The following TSPAN5 variants were observed in gnomAD, a reference collection of about 807,000 sequenced individuals.
TSPAN5 encodes the protein tetraspanin 5.
A neutral mutation model predicts 37.1 loss-of-function variants in TSPAN5; 10 were observed. That is an observed-to-expected ratio of 0.27 (90% CI 0.17 to 0.46). The LOEUF is 0.46. Ranked by LOEUF, TSPAN5 falls within the 20% of genes least tolerant of loss-of-function variation. TSPAN5 has a pLI of 1.00. For missense variants in TSPAN5, 195 were observed against 326.6 expected (o/e 0.60, Z 3.11); for synonymous variants, 110 against 118.9 (o/e 0.93, Z 0.48).
At chr4:98,548,715 TTCTG>T (rs1261578045) in intron 1 of TSPAN5, among the ~76,000 whole-genome samples, 1 of 152,174 alleles carries the variant, frequency 6.6e-6, no homozygotes, top group Non-Finnish European at 1.5e-5. Context: ...CATTATTTTA[TTCTG>T]TCTGTCCATG....
intron 1 of TSPAN5, among the ~76,000 whole-genome samples, chr4:98,657,936 AT>A (rs1757324685): frequency 6.6e-6 from 1 of 152,078 alleles, no homozygotes; most frequent in African/African-American, 2.4e-5. Context: ...TTCCGCCTCG[AT>A]TTCTCTTTTC....
chr4:98,473,604 C>T (rs1321839432), intron 7 of TSPAN5, among the ~76,000 whole-genome samples: 1 of 151,940 alleles, frequency 6.6e-6, no homozygotes, highest in African/African-American at 2.4e-5. Context: ...GGACTACAGG[C>T]GCCCGCCACC....
chr4:98,642,645 A>C (rs1227539516), intron 1 of TSPAN5, among the ~76,000 whole-genome samples: 2 of 152,110 alleles, frequency 1.3e-5, no homozygotes, highest in Non-Finnish European at 2.9e-5. Context: ...CTACATAACG[A>C]CATTTTAATC....
intron 1 of TSPAN5, among the ~76,000 whole-genome samples, chr4:98,567,955 A>C (rs750870812): frequency 6.6e-6 from 1 of 152,030 alleles, no homozygotes; most frequent in Admixed American, 6.6e-5. Flanking sequence ...CACTTTCTTC[A>C]TCTGTAAAAT....
intron 1 of TSPAN5, chr4:98,657,805 C>A: frequency 3.0e-6 from 1 of 336,088 alleles, no homozygotes; most frequent in Non-Finnish European, 5.6e-6. Context: ...ACATCTATAT[C>A]CCACCGAGAG....
At chr4:98,477,758 C>A (rs1361435847) in intron 5 of TSPAN5, among the ~76,000 whole-genome samples, 2 of 151,482 alleles carry the variant, frequency 1.3e-5, no homozygotes, top group Non-Finnish European at 2.9e-5. Flanking sequence ...AACTCCTGGG[C>A]TCAAGTGATC....
chr4:98,524,432 T>C (rs1753917772), intron 1 of TSPAN5, among the ~76,000 whole-genome samples: 1 of 152,188 alleles, frequency 6.6e-6, no homozygotes, highest in African/African-American at 2.4e-5. Flanking sequence ...TTTTGTGCAA[T>C]ATGATTAGTA....
At chr4:98,492,544 C>A (rs565990325) in intron 2 of TSPAN5, among the ~76,000 whole-genome samples, 2 of 152,168 alleles carry the variant, frequency 1.3e-5, no homozygotes, top group Admixed American at 1.3e-4. Context: ...TTCAGTCCTC[C>A]ATGCACGTAA....
chr4:98,598,813 A>T (rs1024224446), intron 1 of TSPAN5, among the ~76,000 whole-genome samples: 15 of 152,138 alleles, frequency 9.9e-5, no homozygotes, highest in African/African-American at 3.6e-4. Flanking sequence ...TTTGAGAGAG[A>T]GTCTCATTTT....
chr4:98,523,797 A>G (rs1753905743), intron 1 of TSPAN5, among the ~76,000 whole-genome samples: 1 of 152,238 alleles, frequency 6.6e-6, no homozygotes, highest in Non-Finnish European at 1.5e-5. Context: ...GAAAGTATAA[A>G]GGGACCATAC....
At chr4:98,616,457 T>A (rs912241006) in intron 1 of TSPAN5, among the ~76,000 whole-genome samples, 5 of 151,970 alleles carry the variant, frequency 3.3e-5, no homozygotes, top group African/African-American at 1.2e-4. Flanking sequence ...TAAAGAGAGA[T>A]CTTTACCTAG....
intron 1 of TSPAN5, among the ~76,000 whole-genome samples, chr4:98,623,056 CT>C (rs1393728555): frequency 2.0e-4 from 30 of 152,088 alleles, no homozygotes; most frequent in Admixed American, 2.0e-3. Flanking sequence ...TACATTTTTC[CT>C]TTTTAAAATT....
chr4:98,475,415 G>C (rs1752669813), intron 7 of TSPAN5, among the ~76,000 whole-genome samples: 3 of 152,226 alleles, frequency 2.0e-5, no homozygotes, highest in Non-Finnish European at 2.9e-5. Context: ...AGGAGGAAAA[G>C]TGGGTGCTCC....
intron 1 of TSPAN5, among the ~76,000 whole-genome samples, chr4:98,616,442 G>C (rs1756339305): frequency 6.6e-6 from 1 of 152,116 alleles, no homozygotes; most frequent in African/African-American, 2.4e-5. Context: ...AGGTCAAGGG[G>C]AAGTTAAAGA....
At chr4:98,484,263 C>T (rs188916305) in intron 3 of TSPAN5, 8 of 363,804 alleles carry the variant, frequency 2.2e-5, no homozygotes, top group Admixed American at 7.5e-5. Flanking sequence ...CCTAGAGCCT[C>T]GGTCAACCAA....
chr4:98,476,057 G>A (rs1322022417), intron 7 of TSPAN5, 132 bp downstream of exon 7: 2 of 625,112 alleles, frequency 3.2e-6, no homozygotes, highest in Admixed American at 2.8e-5. Context: ...AATCGTTTAG[G>A]TCTGTTCCTC....
At chr4:98,519,715 G>A (rs116256193) in intron 1 of TSPAN5, among the ~76,000 whole-genome samples, 6 of 152,264 alleles carry the variant, frequency 3.9e-5, no homozygotes, top group Non-Finnish European at 7.3e-5. Flanking sequence ...AGTTTTAGGC[G>A]TTATTACCAA....
intron 1 of TSPAN5, among the ~76,000 whole-genome samples, chr4:98,569,984 T>G (rs781501080): frequency 6.6e-6 from 1 of 152,186 alleles, no homozygotes; most frequent in Non-Finnish European, 1.5e-5. Context: ...TTTACTATCA[T>G]AGTAAATATA....
intron 1 of TSPAN5, among the ~76,000 whole-genome samples, chr4:98,649,140 GTTC>G (rs1212015848): frequency 6.6e-6 from 1 of 151,802 alleles, no homozygotes; most frequent in Admixed American, 6.6e-5. Flanking sequence ...TAGAATACTG[GTTC>G]TTTTCTTTCT....
Sources: allele counts gnomAD v4.1 joint callset (sites outside exome capture counted in the v4.1 genomes callset), GRCh38; gene constraint gnomAD v4.1.1; transcripts MANE v1.5; gene names NCBI Gene and HGNC (gene_info 2026-07-23, HGNC 2026-07-21).